KLHL17: variants seen among roughly 807,000 people sequenced by gnomAD.
KLHL17 encodes the protein kelch-like protein 17.
Under a neutral mutation model 64.6 loss-of-function variants are expected in KLHL17, and 71 were observed. The observed-to-expected ratio is 1.10, with a 90% CI of 0.91 to 1.34. The LOEUF (loss-of-function observed/expected upper bound fraction) is 1.34. KLHL17 is among the 40% of genes most tolerant of loss of function. KLHL17 has a pLI of 0.00. For missense variants in KLHL17, 1,140 were observed against 935.0 expected, an observed-to-expected ratio of 1.22 and a Z score of -2.86; for synonymous variants, 612 against 405.4, an observed-to-expected ratio of 1.51 and a Z score of -6.12.
Position 960,629 on chromosome 1 carries a change from C to T in KLHL17, c.-65C>T. 8.7e-6 allele frequency: 11 copies of T among 1,261,718 alleles called. No individual in the cohort carries two copies. The highest frequency in any genetic ancestry group is 1.1e-5 in the Non-Finnish European group (11 of 993,816). 78.2% of individuals were successfully genotyped at this position (1,261,718 alleles called of 1,614,324 possible). A position where few individuals can be genotyped will look rare whatever the true frequency, so the allele number is the denominator to read the frequency against. On this transcript the variant is annotated 5_prime_UTR_variant, in exon 1 of 12. Transcript: ENST00000338591. ...GGGCCGCCACCGCCGAGCAGCCCTC[C>T]GGCAGTCTCCGCGTCCGTTAAGCCC...
rs145445315 is a variant in KLHL17 at position 961,395 on chromosome 1, C to T, written c.210C>T (p.Asn70=). 120 of 1,609,210 alleles carry T rather than the reference C, an allele frequency of 7.5e-5. 1 individual carries two copies. Among genetic ancestry groups the T allele is most frequent in the South Asian group, 5.5e-5 (5 of 90,646 alleles). The part of the protein sequence containing the change: ...LSREGHSVAH[N]SKRHYHDAFV... Reference sequence around the variant, plus strand: ...GCGAGGGCCACAGCGTGGCCCACAACTCCAAGCGGCACTACCACGATGCCT... The same window carrying T: ...GCGAGGGCCACAGCGTGGCCCACAATTCCAAGCGGCACTACCACGATGCCT... The change falls in exon 2 of 12, where the codon AAC becomes AAT. Residue 70 remains asparagine (N), a synonymous_variant. Coordinates refer to ENST00000338591, the MANE Select transcript of KLHL17 (RefSeq NM_198317.3).
chr1:961,599 G>C (rs770649539), intron 2 of KLHL17, 30 bp from the exon 3 acceptor site: 3 of 1,612,754 alleles, frequency 1.9e-6, no homozygotes, highest in Non-Finnish European at 2.5e-6. Flanking sequence ...GGTCCCTCGG[G>C]TCAGCTCGTG....
At chr1:963,704 C>A in intron 8 of KLHL17, 200 bp downstream of exon 8, 1 of 822,892 alleles carries the variant, frequency 1.2e-6, no homozygotes, top group Non-Finnish European at 1.9e-6. Context: ...GGTCCTTACC[C>A]CCAGTCCAGA....
intron 9 of KLHL17, 44 bp from the exon 10 acceptor site, chr1:964,063 C>T (rs757080814): frequency 1.9e-6 from 3 of 1,612,208 alleles, no homozygotes; most frequent in Non-Finnish European, 2.5e-6. Context: ...CCGTGGAGAC[C>T]CCACTCCCAG....
chr1:962,557 G>A, intron 5 of KLHL17, 86 bp downstream of exon 5: 5 of 1,561,308 alleles, frequency 3.2e-6, no homozygotes, highest in Non-Finnish European at 2.6e-6. Context: ...CCTTCCCCGA[G>A]TTCAGGGACT....
In KLHL17 at chr1:963,190, T is replaced by C; in HGVS notation, c.1124T>C (p.Met375Thr). The C allele has an allele frequency of 1.4e-5, 22 of 1,609,130 alleles. No homozygotes were observed. Among genetic ancestry groups the C allele is most frequent in the Middle Eastern group, 1.7e-4 (1 of 6,050 alleles). The change falls in exon 7 of 12, where the codon ATG becomes ACG. Residue 375 changes from methionine (M) to threonine (T), a missense_variant. Coordinates refer to ENST00000338591, the MANE Select transcript of KLHL17 (RefSeq NM_198317.3). Reference sequence around the variant, plus strand: ...GACCGCTGGCACGTGGTGGCCTCCATGTCCACGCGCCGGGCCCGGGTGGGA... The same window carrying C: ...GACCGCTGGCACGTGGTGGCCTCCACGTCCACGCGCCGGGCCCGGGTGGGA... ...RTDRWHVVASMSTRRARVGVA... is the reference protein window; with the variant it reads ...RTDRWHVVASTSTRRARVGVA...
In KLHL17 at chr1:963,403, G is replaced by A. The variant is rs201126895; in HGVS notation, c.1254G>A (p.Pro418=). ...ACCCCGTGACTAACACGTGGCAGCC[G>A]GAGGTGTCCATGGGCACAAGGCGAA... is the stretch of plus-strand genomic sequence containing the variant. ...SYDPVTNTWQ[P]EVSMGTRRSC... The change falls in exon 8 of 12, where the codon CCG becomes CCA. Residue 418 remains proline (P), a synonymous_variant. Coordinates refer to ENST00000338591, the MANE Select transcript of KLHL17 (RefSeq NM_198317.3). 5.1e-5 allele frequency: 82 copies of A among 1,612,672 alleles called. No individual in the cohort carries two copies. In the East Asian group the frequency reaches 7.1e-4, roughly 14 times the overall value.
intron 4 of KLHL17, 104 bp from the exon 5 acceptor site, chr1:962,251 A>G (rs1254901471): frequency 6.4e-7 from 1 of 1,572,950 alleles, no homozygotes; most frequent in Non-Finnish European, 8.7e-7. Context: ...CCCAGTATGA[A>G]CACTCAGCCC....
rs1642593329 is a variant in KLHL17 at position 960,624 on chromosome 1, C to T, written c.-70C>T. ...AGAGCGGGCCGCCACCGCCGAGCAG[C>T]CCTCCGGCAGTCTCCGCGTCCGTTA... On this transcript the variant is annotated 5_prime_UTR_variant, in exon 1 of 12. Coordinates refer to ENST00000338591, the MANE Select transcript of KLHL17 (RefSeq NM_198317.3). 8.0e-7 allele frequency: 1 copy of T among 1,243,874 alleles called. No individual in the cohort carries two copies. The allele number at this position is 1,243,874 out of a possible 1,614,324, so 77.1% of individuals were successfully genotyped here.
Position 963,454 on chromosome 1 carries a change from T to C in KLHL17, c.1305T>C (p.His435=), listed in dbSNP as rs748334577. The C allele has an allele frequency of 1.9e-6, 3 of 1,612,514 alleles. No individual in the cohort carries two copies. Among genetic ancestry groups the C allele is most frequent in the South Asian group, 1.1e-5 (1 of 91,064 alleles). Reference sequence around the variant, plus strand: ...GCTGCCTGGGTGTGGCCGCCTTGCATGGACTCCTGTACTCGGCCGGCGGCT... The same window carrying C: ...GCTGCCTGGGTGTGGCCGCCTTGCACGGACTCCTGTACTCGGCCGGCGGCT... The part of the protein sequence containing the change: ...RRSCLGVAAL[H]GLLYSAGGYD... Residue 435 remains histidine, a synonymous_variant, in exon 8 of 12, where the codon CAT becomes CAC. Transcript: ENST00000338591.
In KLHL17 at chr1:965,272, C is replaced by T. The variant is rs564373218; in HGVS notation, c.*81C>T. The T allele has an allele frequency of 3.6e-5, 38 of 1,067,152 alleles. No individual in the cohort carries two copies. The highest frequency in any genetic ancestry group is 6.4e-5 in the African/African-American group (4 of 62,890). The allele number at this position is 1,067,152 out of a possible 1,614,324, so 66.1% of individuals were successfully genotyped here. On this transcript the variant is annotated 3_prime_UTR_variant, in exon 12 of 12. Coordinates refer to ENST00000338591, the MANE Select transcript of KLHL17 (RefSeq NM_198317.3). Reference sequence around the variant, plus strand: ...CCCACCAGGGACGTCCTGCGCCATCCGTTCACGTCTCTGCATCCATTCCTT... The same window carrying T: ...CCCACCAGGGACGTCCTGCGCCATCTGTTCACGTCTCTGCATCCATTCCTT...
chr1:962,180 C>T, intron 4 of KLHL17, 133 bp downstream of exon 4: 6 of 1,287,240 alleles, frequency 4.7e-6, no homozygotes, highest in Non-Finnish European at 5.5e-6. Context: ...GTCCCCGAGA[C>T]CTTTCTGGAT....
In KLHL17 at chr1:965,373, C is replaced by T. The variant is rs547471726; in HGVS notation, c.*182C>T. ...AGGGGTGAGGAGTGCCACGGCTGCCCGTTTACACCTTTAGCGTCTGGTCCT... is the reference window on the plus strand; with the variant it reads ...AGGGGTGAGGAGTGCCACGGCTGCCTGTTTACACCTTTAGCGTCTGGTCCT... On this transcript the variant is annotated 3_prime_UTR_variant, in exon 12 of 12. Transcript: ENST00000338591. 1.1e-4 allele frequency: 67 copies of T among 619,624 alleles called. No homozygotes were observed. The highest frequency in any genetic ancestry group is 2.1e-4 in the Admixed American group (7 of 33,148). 38.4% of individuals were successfully genotyped at this position (619,624 alleles called of 1,614,324 possible).
rs202113363 is a variant in KLHL17, at chr1:961,673, A to G, written c.412A>G (p.Ile138Val). ...CCAGACCCACGTGACGCTGCACGAC[A>G]TCGACCCTCAGGCCTTGGACCAGCT... ...SRQTHVTLHDIDPQALDQLVQ... is the reference protein window; with the variant it reads ...SRQTHVTLHDVDPQALDQLVQ... The change falls in exon 3 of 12, where the codon ATC (isoleucine) becomes GTC (valine). Residue 138 changes from isoleucine to valine, a missense_variant. Transcript: ENST00000338591. 7 of 1,612,692 alleles carry G rather than the reference A, an allele frequency of 4.3e-6. No individual in the cohort carries two copies. In the East Asian group the frequency reaches 1.1e-4, roughly 26 times the overall value.
intron 8 of KLHL17, 164 bp downstream of exon 8, chr1:963,668 C>G (rs1255754993): frequency 7.7e-6 from 7 of 913,724 alleles, no homozygotes; most frequent in African/African-American, 3.4e-5. Flanking sequence ...CTTGGCTTTG[C>G]TGCCCCAGTG....
At chr1:963,707 A>G (rs1642761546) in intron 8 of KLHL17, 2 of 815,704 alleles carry the variant, frequency 2.5e-6, no homozygotes, top group South Asian at 1.8e-5. Context: ...CCTTACCCCC[A>G]GTCCAGAGGC....
At chr1:963,577 G>A (rs952229196) in intron 8 of KLHL17, 73 bp downstream of exon 8, 127 of 1,484,858 alleles carry the variant, frequency 8.6e-5, no homozygotes, top group Non-Finnish European at 1.1e-4. Context: ...ACCATCACAG[G>A]GGTCGTATCT....
At chr1:961,256 C>A in intron 1 of KLHL17, 37 bp from the exon 2 acceptor site, 1 of 1,353,864 alleles carries the variant, frequency 7.4e-7, no homozygotes, top group South Asian at 1.8e-5. Flanking sequence ...GCGGGCGGCT[C>A]CAGCGGGGCG....
chr1:965,337 C>G lies in KLHL17; in HGVS notation c.*146C>G, dbSNP rs1354120536. On this transcript the variant is annotated 3_prime_UTR_variant, in exon 12 of 12. Transcript: ENST00000338591. ...GTTGTTTATTTATTTAGTTATTTAT[C>G]TTATTTATTGAGGGGTGAGGAGTGC... 1.4e-6 allele frequency: 1 copy of G among 695,364 alleles called. No individual in the cohort carries two copies. Among genetic ancestry groups the G allele is most frequent in the African/African-American group, 1.8e-5 (1 of 55,978 alleles). The allele number at this position is 695,364 out of a possible 1,614,324, so 43.1% of individuals were successfully genotyped here.
Sources: gnomAD v4.1 joint callset for allele counts on GRCh38, gnomAD v4.1.1 for gene constraint, MANE v1.5 for transcripts, NCBI Gene and HGNC (gene_info 2026-07-23, HGNC 2026-07-21) for gene names.